Variants in CAPSL observed in about 807,000 individuals in gnomAD.
The protein encoded by CAPSL is calcyphosin-like protein.
Under a neutral mutation model 21.3 loss-of-function variants are expected in CAPSL, and 17 were observed. That is an observed-to-expected ratio of 0.80 (90% CI 0.55 to 1.20). The LOEUF is 1.20. Among genes scored for constraint, CAPSL ranks in the 50% most tolerant of loss-of-function variants. CAPSL has a pLI of 0.00. For missense variants in CAPSL, 289 were observed against 259.3 expected, an observed-to-expected ratio of 1.11 and a Z score of -0.79; for synonymous variants, 102 against 89.3, an observed-to-expected ratio of 1.14 and a Z score of -0.80.
At chr5:35,926,696 T>TC (rs1487892591) in intron 1 of CAPSL, among the ~76,000 whole-genome samples, 1 of 152,172 alleles carries the variant, frequency 6.6e-6, no homozygotes, top group Non-Finnish European at 1.5e-5. Flanking sequence ...TTCCTCTCCA[T>TC]CTGCAGCCAA....
At chr5:35,922,648 G>A (rs573796897) in intron 1 of CAPSL, among the ~76,000 whole-genome samples, 14 of 152,282 alleles carry the variant, frequency 9.2e-5, no homozygotes, top group South Asian at 2.1e-4. Flanking sequence ...TTCCATCTCC[G>A]TTCTTGCCAG....
Position 35,910,410 on chromosome 5 carries a change from C to T in CAPSL, c.271G>A (p.Gly91Arg), listed in dbSNP as rs868067758. Reference protein sequence around the residue: ...EELFRRFDKDGNGTIDFNEFL... With the variant: ...EELFRRFDKDRNGTIDFNEFL... ...TCATTGAAGTCTATTGTTCCATTTC[C>T]ATCTTTATCAAACCTCCGGAAAAGT... is the stretch of plus-strand genomic sequence containing the variant. The change falls in exon 3 of 5, where the codon GGA becomes AGA. Residue 91 changes from glycine to arginine, a missense_variant. By Grantham distance (125) the Gly-to-Arg change is moderately radical (BLOSUM62 -2). Coordinates refer to ENST00000651391, the MANE Select transcript of CAPSL (RefSeq NM_001042625.2). 1.9e-6 allele frequency: 3 copies of T among 1,613,926 alleles called. No homozygotes were observed. The highest frequency in any genetic ancestry group is 1.7e-6 in the Non-Finnish European group (2 of 1,179,884).
chr5:35,935,487 A>G (rs1337907445), intron 1 of CAPSL, among the ~76,000 whole-genome samples: 1 of 151,546 alleles, frequency 6.6e-6, no homozygotes, highest in Non-Finnish European at 1.5e-5. Context: ...TGCACACCAC[A>G]ATACCCAACT....
chr5:35,922,985 C>T (rs111595542), intron 1 of CAPSL, among the ~76,000 whole-genome samples: 4 of 152,290 alleles, frequency 2.6e-5, no homozygotes, highest in African/African-American at 9.6e-5. Context: ...CACCCCAACC[C>T]CTATGGAAGC....
At chr5:35,936,455 T>C (rs1423018407) in intron 1 of CAPSL, among the ~76,000 whole-genome samples, 3 of 152,210 alleles carry the variant, frequency 2.0e-5, no homozygotes, top group Non-Finnish European at 4.4e-5. Flanking sequence ...ATTTTCTACT[T>C]TCTCATGCCC....
intron 4 of CAPSL, 45 bp downstream of exon 4, chr5:35,909,821 T>C: frequency 6.7e-7 from 1 of 1,500,020 alleles, no homozygotes; most frequent in Non-Finnish European, 9.1e-7. Context: ...CCATTTACAA[T>C]TTCGAATTGA....
intron 2 of CAPSL, among the ~76,000 whole-genome samples, chr5:35,917,239 G>A (rs1164191716): frequency 6.6e-6 from 1 of 152,204 alleles, no homozygotes; most frequent in African/African-American, 2.4e-5. Flanking sequence ...AGAATGTGGA[G>A]AAATAGGAAC....
At chr5:35,916,325 G>A (rs1243493803) in intron 2 of CAPSL, among the ~76,000 whole-genome samples, 1 of 152,020 alleles carries the variant, frequency 6.6e-6, no homozygotes, top group Non-Finnish European at 1.5e-5. Context: ...TCCCCATCAA[G>A]CTACCAACGA....
At position 35,910,488 on chromosome 5, in the gene CAPSL, T is replaced by A; in HGVS notation, c.193A>T (p.Met65Leu). The A allele has an allele frequency of 6.2e-7, 1 of 1,612,802 alleles. No homozygotes were observed. Among genetic ancestry groups the A allele is most frequent in the Non-Finnish European group, 8.5e-7 (1 of 1,179,114 alleles). Residue 65 changes from methionine (M) to leucine (L), a missense_variant, in exon 3 of 5, where the codon ATG becomes TTG. By Grantham distance (15) the Met-to-Leu change is conservative. Coordinates refer to ENST00000651391, the MANE Select transcript of CAPSL (RefSeq NM_001042625.2). ...NNRTLDFKEF[M>L]KGLNDYAVVM... Reference sequence around the variant, plus strand: ...ACAGCATAATCATTTAACCCTTTCATAAATTCTTTAAAATCAAGGGTTCGA... The same window carrying A: ...ACAGCATAATCATTTAACCCTTTCAAAAATTCTTTAAAATCAAGGGTTCGA...
chr5:35,919,781 C>T (rs1738488367), intron 2 of CAPSL, among the ~76,000 whole-genome samples: 1 of 152,122 alleles, frequency 6.6e-6, no homozygotes, highest in Non-Finnish European at 1.5e-5. Flanking sequence ...GCACATTCTG[C>T]AAAAGGCTTA....
chr5:35,912,925 G>C (rs766429356), intron 2 of CAPSL, among the ~76,000 whole-genome samples: 2 of 152,114 alleles, frequency 1.3e-5, no homozygotes, highest in Non-Finnish European at 2.9e-5. Flanking sequence ...AAAGGAGGAA[G>C]TTTGCACCCA....
At chr5:35,906,357 G>A (rs1760679937) in intron 4 of CAPSL, among the ~76,000 whole-genome samples, 1 of 152,042 alleles carries the variant, frequency 6.6e-6, no homozygotes, top group African/African-American at 2.4e-5. Context: ...CTCCTCTGCA[G>A]CTTCAGCTTG....
chr5:35,910,683 C>T (rs1307205685), intron 2 of CAPSL, 140 bp from the exon 3 acceptor site: 1 of 592,106 alleles, frequency 1.7e-6, no homozygotes, highest in Non-Finnish European at 2.8e-6. Context: ...CCCTCCTTTC[C>T]AAAACTGGAG....
intron 4 of CAPSL, among the ~76,000 whole-genome samples, chr5:35,905,572 G>C (rs1425267984): frequency 6.6e-6 from 1 of 152,192 alleles, no homozygotes; most frequent in Non-Finnish European, 1.5e-5. Context: ...GCTCATAGTT[G>C]AACTGTAAAT....
chr5:35,911,431 C>G (rs1049700853), intron 2 of CAPSL, among the ~76,000 whole-genome samples: 1 of 152,128 alleles, frequency 6.6e-6, no homozygotes, highest in Non-Finnish European at 1.5e-5. Flanking sequence ...TGCTTTATGT[C>G]TGTGGTCCCT....
At chr5:35,930,898 C>T (rs1738804324) in intron 1 of CAPSL, among the ~76,000 whole-genome samples, 1 of 152,154 alleles carries the variant, frequency 6.6e-6, no homozygotes, top group Non-Finnish European at 1.5e-5. Flanking sequence ...TCTGGAATAT[C>T]TCTCTCATCT....
intron 1 of CAPSL, among the ~76,000 whole-genome samples, chr5:35,937,550 T>C (rs1454292200): frequency 6.6e-6 from 1 of 152,210 alleles, no homozygotes; most frequent in Non-Finnish European, 1.5e-5. Context: ...CAAATAGCAT[T>C]CACATTGCAA....
At chr5:35,918,823 C>T (rs1159464786) in intron 2 of CAPSL, among the ~76,000 whole-genome samples, 1 of 151,970 alleles carries the variant, frequency 6.6e-6, no homozygotes, top group Non-Finnish European at 1.5e-5. Flanking sequence ...GGACTGAAAA[C>T]TTAGGAGCAA....
chr5:35,910,360 A>G lies in CAPSL; in HGVS notation c.315+6T>C. 6.2e-7 allele frequency: 1 copy of G among 1,612,232 alleles called. No individual in the cohort carries two copies. On this transcript the variant is annotated splice_donor_region_variant and intron_variant, in intron 3 of 4. Transcript: ENST00000651391. ...AGCAGATACACTGATTAATGGGGCC[A>G]CTTACTCTTAATGTGAGAAGAAATT... is the stretch of plus-strand genomic sequence containing the variant.
Sources: gnomAD v4.1 joint callset for allele counts (sites outside exome capture counted in the v4.1 genomes callset) on GRCh38, gnomAD v4.1.1 for gene constraint, MANE v1.5 for transcripts, NCBI Gene and HGNC (gene_info 2026-07-23, HGNC 2026-07-21) for gene names.